Variants in PTPRG observed in about 807,000 individuals in gnomAD.
PTPRG encodes receptor-type tyrosine-protein phosphatase gamma.
PTPRG carries 102 observed loss-of-function variants against 165.3 expected under a neutral mutation model. That is an observed-to-expected ratio of 0.62 (90% CI 0.53 to 0.73). PTPRG has a LOEUF of 0.73. Among genes scored for constraint, PTPRG ranks in the 30% least tolerant of loss-of-function variants. The pLI is 0.00. For synonymous variants in PTPRG, 675 were observed against 669.5 expected, an observed-to-expected ratio of 1.01 and a Z score of -0.13; for missense variants, 1,866 against 1,861.4, an observed-to-expected ratio of 1.00 and a Z score of -0.05.
At chr3:61,647,747 A>G (rs545483843) in intron 1 of PTPRG, among the ~76,000 whole-genome samples, 45 of 134,764 alleles carry the variant, frequency 3.3e-4, no homozygotes, top group Admixed American at 2.3e-3. Context: ...AGCTGAGATC[A>G]CACCACTGCA....
Position 61,836,881 on chromosome 3 carries a change from A to G in PTPRG, c.190+87899A>G, listed in dbSNP as rs546555703. Among the ~76,000 whole-genome samples, 142 of 150,514 alleles carry G rather than the reference A, an allele frequency of 9.4e-4. 1 individual carries two copies. The highest frequency in any genetic ancestry group is 2.0e-3 in the Admixed American group (31 of 15,134). On this transcript the variant is annotated intron_variant, in intron 2 of 29. Transcript: ENST00000474889. ...TGCGTCAGCCTCCCTAGTAGCTGGG[A>G]CTACAGGCACACGCCACCAGGCCTG...
chr3:61,611,667 C>T (rs963569063), intron 1 of PTPRG, among the ~76,000 whole-genome samples: 5 of 152,184 alleles, frequency 3.3e-5, no homozygotes, highest in African/African-American at 1.2e-4. Context: ...GCCCAATAGA[C>T]ATTTTCAACT....
intron 2 of PTPRG, among the ~76,000 whole-genome samples, chr3:61,869,002 C>G (rs1403388373): frequency 1.3e-5 from 2 of 151,072 alleles, no homozygotes; most frequent in African/African-American, 4.9e-5. Context: ...GTCTGGTCTT[C>G]TCCATAGTTT....
At chr3:61,649,079 C>A (rs553418894) in intron 1 of PTPRG, among the ~76,000 whole-genome samples, 4 of 152,272 alleles carry the variant, frequency 2.6e-5, no homozygotes, top group South Asian at 2.1e-4. Context: ...TTCATTGTTA[C>A]ACGAGTATGC....
At chr3:62,115,891 A>G (rs1198530283) in intron 5 of PTPRG, among the ~76,000 whole-genome samples, 1 of 152,230 alleles carries the variant, frequency 6.6e-6, no homozygotes, top group East Asian at 1.9e-4. Context: ...TGCTCAAAAA[A>G]TAAGTTTCCT....
At chr3:61,685,049 T>C (rs944971529) in intron 1 of PTPRG, among the ~76,000 whole-genome samples, 1 of 152,192 alleles carries the variant, frequency 6.6e-6, no homozygotes, top group African/African-American at 2.4e-5. Flanking sequence ...GCTCTCCTTC[T>C]TTCTTTTCCC....
At chr3:61,747,391 A>G (rs2033252352) in intron 1 of PTPRG, among the ~76,000 whole-genome samples, 1 of 152,210 alleles carries the variant, frequency 6.6e-6, no homozygotes, top group South Asian at 2.1e-4. Flanking sequence ...GATGGAAGGC[A>G]CCTAAACCTA....
At chr3:61,842,684 CAAAAAAAAA>C (rs199500194) in intron 2 of PTPRG, among the ~76,000 whole-genome samples, 2 of 121,634 alleles carry the variant, frequency 1.6e-5, no homozygotes, top group Non-Finnish European at 1.7e-5. Flanking sequence ...GTATGTGTGG[CAAAAAAAAA>C]AAAAAAAAAA....
At chr3:61,996,731 T>G (rs1286760628) in intron 3 of PTPRG, among the ~76,000 whole-genome samples, 1 of 152,222 alleles carries the variant, frequency 6.6e-6, no homozygotes, top group Middle Eastern at 3.2e-3. Context: ...TACATTTTCC[T>G]GTTTCAAAGG....
intron 1 of PTPRG, among the ~76,000 whole-genome samples, chr3:61,720,167 G>A (rs1575609007): frequency 6.6e-6 from 1 of 151,774 alleles, no homozygotes; most frequent in Admixed American, 6.6e-5. Flanking sequence ...CCCCAGGCTG[G>A]AGCTGGAGTG....
intron 1 of PTPRG, among the ~76,000 whole-genome samples, chr3:61,730,053 T>G (rs1426543604): frequency 6.6e-6 from 1 of 152,240 alleles, no homozygotes; most frequent in Non-Finnish European, 1.5e-5. Context: ...CTGAGATATG[T>G]TTAGATGGGT....
intron 5 of PTPRG, among the ~76,000 whole-genome samples, chr3:62,100,666 C>T (rs1702260143): frequency 2.0e-5 from 3 of 152,190 alleles, no homozygotes; most frequent in South Asian, 2.1e-4. Flanking sequence ...TCTCAGTTCC[C>T]ATCTCTTAAT....
chr3:61,638,324 G>A (rs945404856), intron 1 of PTPRG, among the ~76,000 whole-genome samples: 2 of 151,668 alleles, frequency 1.3e-5, no homozygotes, highest in African/African-American at 4.8e-5. Flanking sequence ...TTGCTGTAGA[G>A]CAGCATCTCT....
intron 2 of PTPRG, among the ~76,000 whole-genome samples, chr3:61,901,023 T>C (rs189780405): frequency 6.6e-6 from 1 of 152,354 alleles, no homozygotes; most frequent in Non-Finnish European, 1.5e-5. Flanking sequence ...TGGAACATAC[T>C]AAGTGTTCAA....
intron 1 of PTPRG, among the ~76,000 whole-genome samples, chr3:61,621,051 A>ATATATGTGTGTGTGTGTGTGTG: frequency 5.9e-5 from 7 of 117,994 alleles, no homozygotes; most frequent in African/African-American, 1.8e-4. Context: ...ATATATATAT[A>ATATATGTGTGTGTGTGTGTGTG]TGTGTGTGTG....
At chr3:61,991,581 A>G (rs1161487872) in intron 3 of PTPRG, among the ~76,000 whole-genome samples, 1 of 152,186 alleles carries the variant, frequency 6.6e-6, no homozygotes, top group Admixed American at 6.5e-5. Context: ...TTCAGAATTT[A>G]CCTATCAGTT....
At chr3:61,592,208 C>G (rs112837210) in intron 1 of PTPRG, among the ~76,000 whole-genome samples, 105 of 152,058 alleles carry the variant, frequency 6.9e-4, no homozygotes, top group African/African-American at 2.4e-3. Flanking sequence ...CTCAGGTGAT[C>G]CGCCTGCCTC....
At chr3:61,774,820 C>G (rs1465269452) in intron 2 of PTPRG, among the ~76,000 whole-genome samples, 2 of 152,110 alleles carry the variant, frequency 1.3e-5, no homozygotes, top group Non-Finnish European at 2.9e-5. Context: ...AAAACACAGC[C>G]TTGAAAAGGT....
chr3:62,100,813 A>G (rs1305843183), intron 5 of PTPRG, among the ~76,000 whole-genome samples: 1 of 152,206 alleles, frequency 6.6e-6, no homozygotes, highest in Non-Finnish European at 1.5e-5. Flanking sequence ...TGGGTTGTTT[A>G]TAGGCTGTTT....
Sources: gnomAD v4.1 joint callset for allele counts (sites outside exome capture counted in the v4.1 genomes callset) on GRCh38, gnomAD v4.1.1 for gene constraint, MANE v1.5 for transcripts, NCBI Gene and HGNC (gene_info 2026-07-23, HGNC 2026-07-21) for gene names.